Variants in NAPEPLD observed in about 807,000 individuals in gnomAD.
NAPEPLD encodes N-acyl-phosphatidylethanolamine-hydrolyzing phospholipase D.
In NAPEPLD, 23 loss-of-function variants were observed where a neutral mutation model predicts 38.1. The ratio of observed to expected loss-of-function variants is 0.60; its 90% CI spans 0.43 to 0.86. The LOEUF (loss-of-function observed/expected upper bound fraction) is 0.86. Ranked by LOEUF, NAPEPLD falls within the 40% of genes least tolerant of loss-of-function variation. NAPEPLD has a pLI of 0.00. For synonymous variants in NAPEPLD, 147 were observed against 162.0 expected (o/e 0.91, Z 0.71); for missense variants, 411 against 476.8 (o/e 0.86, Z 1.28).
intron 1 of NAPEPLD, among the ~76,000 whole-genome samples, chr7:103,142,574 G>A (rs866156501): frequency 3.4e-4 from 51 of 152,170 alleles, no homozygotes; most frequent in African/African-American, 1.2e-3. Flanking sequence ...CCACTGCACT[G>A]CAGCCTGGGT....
chr7:103,135,399 A>G (rs1016165084), intron 1 of NAPEPLD, among the ~76,000 whole-genome samples: 4 of 152,192 alleles, frequency 2.6e-5, no homozygotes, highest in African/African-American at 9.6e-5. Flanking sequence ...GATTCCAGGC[A>G]ATACTGGTAT....
rs544076091 is a variant in NAPEPLD, at chr7:103,137,181, C to T, written c.-16-8389G>A. ...CTCAAACTCCTGACCTCGTGATCTG[C>T]CCGCATTGGCCTCCCAAAGTGCTGG... On this transcript the variant is annotated intron_variant, in intron 1 of 4. Coordinates refer to ENST00000465647, the MANE Select transcript of NAPEPLD (RefSeq NM_001122838.3). Among the ~76,000 whole-genome samples, 8 of 152,294 alleles carry T rather than the reference C, an allele frequency of 5.3e-5. No homozygotes were observed. The South Asian group carries it at 1.7e-3, about 32-fold the overall frequency.
intron 1 of NAPEPLD, among the ~76,000 whole-genome samples, chr7:103,137,815 C>CAAAAAAA (rs79429621): frequency 4.6e-5 from 5 of 107,530 alleles, no homozygotes; most frequent in African/African-American, 1.8e-4. Flanking sequence ...GATGCTGTCT[C>CAAAAAAA]AAAAAAAAAA....
intron 1 of NAPEPLD, among the ~76,000 whole-genome samples, chr7:103,130,240 T>C (rs1161142307): frequency 6.6e-6 from 1 of 152,180 alleles, no homozygotes; most frequent in East Asian, 1.9e-4. Flanking sequence ...GATGAATACG[T>C]ACACAGAACC....
At chr7:103,105,758 C>T (rs934694994) in intron 4 of NAPEPLD, among the ~76,000 whole-genome samples, 3 of 152,030 alleles carry the variant, frequency 2.0e-5, no homozygotes, top group Non-Finnish European at 4.4e-5. Flanking sequence ...CATGGCAAAA[C>T]CCTGTCTCTA....
At chr7:103,113,654 A>G (rs1405343640) in intron 4 of NAPEPLD, among the ~76,000 whole-genome samples, 1 of 126,140 alleles carries the variant, frequency 7.9e-6, no homozygotes, top group African/African-American at 2.9e-5. Context: ...TTCTCAAGAC[A>G]GAGTTTCGCT....
chr7:103,130,837 T>A (rs1295326329), intron 1 of NAPEPLD, among the ~76,000 whole-genome samples: 1 of 152,146 alleles, frequency 6.6e-6, no homozygotes, highest in Non-Finnish European at 1.5e-5. Context: ...GCTCAAGCAA[T>A]CTGCTTGCCT....
At position 103,119,979 on chromosome 7, in the gene NAPEPLD, G is replaced by C; in HGVS notation, c.539C>G (p.Ala180Gly). Residue 180 changes from alanine to glycine, a missense_variant, in exon 3 of 5, where the codon GCG becomes GGG. Transcript: ENST00000465647. ...CTISELPPIDAVLISHNHYDH... is the reference protein window; with the variant it reads ...CTISELPPIDGVLISHNHYDH... ...ATAGTGGTTGTGACTGATAAGGACC[G>C]CATCTATTGGAGGGAGTTCACTTAT... The C allele has an allele frequency of 1.9e-6, 3 of 1,614,196 alleles. No individual in the cohort carries two copies. The highest frequency in any genetic ancestry group is 2.5e-6 in the Non-Finnish European group (3 of 1,180,042).
chr7:103,118,615 T>A (rs1409820458), intron 3 of NAPEPLD, among the ~76,000 whole-genome samples: 1 of 152,224 alleles, frequency 6.6e-6, no homozygotes, highest in African/African-American at 2.4e-5. Flanking sequence ...AAACAAAATG[T>A]TGTTGTATGT....
intron 1 of NAPEPLD, chr7:103,141,265 TGCAAGCAGATAAAGGCTTATTTTAC>T: frequency 8.5e-6 from 1 of 117,692 alleles, no homozygotes. Context: ...TTTTTTTTTT[TGCAAGCAGATAAAGGCTTATTTTAC>T]TTTAATGGCT....
rs1563369038 is a variant in NAPEPLD, at chr7:103,137,832, A to AAAAAG, written c.-16-9045_-16-9041dup. Reference sequence around the variant, plus strand: ...TGCTGTCTCAAAAAAAAAAAAAAAAAAAAAGAAAAAGAAAAAGAAAGAAAG... The same window carrying AAAAAG: ...TGCTGTCTCAAAAAAAAAAAAAAAAAAAAAGAAAAGAAAAAGAAAAAGAAAGAAAG... On this transcript the variant is annotated intron_variant, in intron 1 of 4. Transcript: ENST00000465647. 2.0e-4 allele frequency among the ~76,000 whole-genome samples: 29 copies of AAAAAG among 143,616 alleles called. 2 individuals carry two copies. The highest frequency in any genetic ancestry group is 4.3e-4 in the South Asian group (2 of 4,628). The allele number at this position is 143,616 out of a possible 152,430, so 94.2% of individuals were successfully genotyped here. A position where few individuals can be genotyped will look rare whatever the true frequency, so the allele number is the denominator to read the frequency against.
At chr7:103,134,868 T>C (rs1354927500) in intron 1 of NAPEPLD, among the ~76,000 whole-genome samples, 1 of 152,160 alleles carries the variant, frequency 6.6e-6, no homozygotes, top group African/African-American at 2.4e-5. Flanking sequence ...AGTACAAATA[T>C]TTTCTCTCAA....
intron 3 of NAPEPLD, among the ~76,000 whole-genome samples, chr7:103,119,004 G>A (rs1019705915): frequency 5.9e-5 from 9 of 152,178 alleles, no homozygotes; most frequent in African/African-American, 1.7e-4. Flanking sequence ...TTTGCTAAAC[G>A]TAGGAGAGCT....
intron 4 of NAPEPLD, among the ~76,000 whole-genome samples, chr7:103,111,662 A>G (rs908505800): frequency 3.9e-5 from 6 of 152,250 alleles, no homozygotes; most frequent in Admixed American, 6.5e-5. Flanking sequence ...AAACCCTAGA[A>G]GAAAACCCAG....
chr7:103,115,606 G>A (rs746783956), intron 3 of NAPEPLD, among the ~76,000 whole-genome samples: 5 of 152,132 alleles, frequency 3.3e-5, no homozygotes, highest in Admixed American at 6.5e-5. Context: ...CAGGGGAGGC[G>A]AGCCCCAAAA....
rs1244109296 is a variant in NAPEPLD at position 103,103,390 on chromosome 7, T to C, written c.*39A>G. 2.6e-6 allele frequency: 4 copies of C among 1,525,256 alleles called. No individual in the cohort carries two copies. Among genetic ancestry groups the C allele is most frequent in the Non-Finnish European group, 2.6e-6 (3 of 1,138,988 alleles). The allele number at this position is 1,525,256 out of a possible 1,614,324, so 94.5% of individuals were successfully genotyped here. ...CTTTTCATTTGTTTTTAAACTTAGA[T>C]GATGCCTTTTTCATTAAAAGTGCCT... is the stretch of plus-strand genomic sequence containing the variant. On this transcript the variant is annotated 3_prime_UTR_variant, in exon 5 of 5. Coordinates refer to ENST00000465647, the MANE Select transcript of NAPEPLD (RefSeq NM_001122838.3).
intron 3 of NAPEPLD, among the ~76,000 whole-genome samples, chr7:103,117,231 T>C (rs1195596134): frequency 6.6e-6 from 1 of 151,968 alleles, no homozygotes; most frequent in Non-Finnish European, 1.5e-5. Context: ...CTGTTAGGAG[T>C]TGCTGGGTCC....
upstream of NAPEPLD, chr7:103,149,216 G>T: frequency 1.0e-6 from 1 of 997,582 alleles, no homozygotes; most frequent in Non-Finnish European, 1.2e-6. Flanking sequence ...CGGACACTCG[G>T]GATCCCGGGC....
At chr7:103,123,830 C>T (rs1445236319) in intron 2 of NAPEPLD, among the ~76,000 whole-genome samples, 1 of 152,092 alleles carries the variant, frequency 6.6e-6, no homozygotes, top group East Asian at 1.9e-4. Flanking sequence ...GCCTGGGGTC[C>T]AGGTTGGGAG....
Sources: gnomAD v4.1 joint callset for allele counts (sites outside exome capture counted in the v4.1 genomes callset) on GRCh38, gnomAD v4.1.1 for gene constraint, MANE v1.5 for transcripts, NCBI Gene and HGNC (gene_info 2026-07-23, HGNC 2026-07-21) for gene names.